CNTN4: variants seen among roughly 807,000 people sequenced by gnomAD.
The protein encoded by CNTN4 is contactin-4.
Under a neutral mutation model 122.5 loss-of-function variants are expected in CNTN4, and 77 were observed. That is an observed-to-expected ratio of 0.63 (90% CI 0.52 to 0.76). The LOEUF (loss-of-function observed/expected upper bound fraction) is 0.76, where lower values mean the gene tolerates loss of function less well. CNTN4 is among the 30% of genes least tolerant of loss of function. CNTN4 has a pLI of 0.00. For synonymous variants in CNTN4, 512 were observed against 447.0 expected (o/e 1.15, Z -1.83); for missense variants, 1,256 against 1,259.1 (o/e 1.00, Z 0.04).
At chr3:2,112,238 G>T (rs1234212776) in intron 2 of CNTN4, among the ~76,000 whole-genome samples, 1 of 152,108 alleles carries the variant, frequency 6.6e-6, no homozygotes. Context: ...TCCTGTAAAA[G>T]AAATGCTGAC....
At chr3:2,764,781 T>C (rs2090766395) in intron 6 of CNTN4, among the ~76,000 whole-genome samples, 1 of 152,176 alleles carries the variant, frequency 6.6e-6, no homozygotes, top group South Asian at 2.1e-4. Flanking sequence ...TTGCTTTGCA[T>C]GTACCAGCCA....
intron 6 of CNTN4, among the ~76,000 whole-genome samples, chr3:2,748,946 G>A (rs1251777112): frequency 2.6e-5 from 4 of 152,044 alleles, no homozygotes; most frequent in Admixed American, 2.6e-4. Flanking sequence ...TGATACTTTT[G>A]TTCCCTCTGC....
At chr3:2,179,770 A>G (rs2036929679) in intron 2 of CNTN4, among the ~76,000 whole-genome samples, 1 of 151,988 alleles carries the variant, frequency 6.6e-6, no homozygotes. Flanking sequence ...GCAACTCTAT[A>G]TACTAGCACT....
At chr3:2,481,419 G>T (rs13066125) in intron 3 of CNTN4, among the ~76,000 whole-genome samples, 17,073 of 152,110 alleles carry the variant, frequency 0.11, 1,239 homozygotes, top group Middle Eastern at 0.19. Context: ...GGGATTACAG[G>T]TGTGAGCCAC....
At chr3:2,991,136 C>T (rs1157984138) in intron 14 of CNTN4, among the ~76,000 whole-genome samples, 2 of 152,096 alleles carry the variant, frequency 1.3e-5, no homozygotes, top group Admixed American at 1.3e-4. Context: ...CTTATAGATG[C>T]AGAATTAGTA....
chr3:2,317,220 T>C (rs1397049565), intron 2 of CNTN4, among the ~76,000 whole-genome samples: 2 of 152,336 alleles, frequency 1.3e-5, no homozygotes, highest in East Asian at 1.9e-4. Context: ...TGATGGATTA[T>C]CATAAAGAAG....
At chr3:2,867,532 G>A (rs571141563) in intron 8 of CNTN4, among the ~76,000 whole-genome samples, 120 of 152,150 alleles carry the variant, frequency 7.9e-4, no homozygotes, top group Non-Finnish European at 1.3e-3. Context: ...TTGTAAAGAC[G>A]GCCGTGTATG....
Position 2,240,803 on chromosome 3 carries a change from G to A in CNTN4, c.-144-98375G>A, listed in dbSNP as rs533978067. On this transcript the variant is annotated intron_variant, in intron 2 of 24. Coordinates refer to ENST00000418658, the MANE Select transcript of CNTN4 (RefSeq NM_175607.3). ...TATATTTTAAACGTTTGTAAATCCA[G>A]TGAGAATAAAATGTTCTTTGCATAT... 1.8e-4 allele frequency among the ~76,000 whole-genome samples: 28 copies of A among 151,928 alleles called. 1 individual carries two copies. The highest frequency in any genetic ancestry group is 3.2e-4 in the Non-Finnish European group (22 of 67,978).
chr3:2,497,956 T>C (rs2076496895), intron 3 of CNTN4, among the ~76,000 whole-genome samples: 1 of 152,144 alleles, frequency 6.6e-6, no homozygotes, highest in Admixed American at 6.6e-5. Context: ...TCTTTTTCTC[T>C]ACCTTTCCAC....
At chr3:2,916,797 C>T (rs1317654871) in intron 12 of CNTN4, among the ~76,000 whole-genome samples, 1 of 150,366 alleles carries the variant, frequency 6.7e-6, no homozygotes, top group Non-Finnish European at 1.5e-5. Context: ...GGGCCCCCCA[C>T]CTCCCAGACG....
At chr3:2,305,621 C>G (rs1390469254) in intron 2 of CNTN4, among the ~76,000 whole-genome samples, 1 of 152,102 alleles carries the variant, frequency 6.6e-6, no homozygotes, top group Non-Finnish European at 1.5e-5. Context: ...TTTTGTGAAT[C>G]TTCTTTTTTT....
chr3:2,886,747 C>A (rs2093983823), intron 9 of CNTN4, among the ~76,000 whole-genome samples: 1 of 152,036 alleles, frequency 6.6e-6, no homozygotes, highest in Non-Finnish European at 1.5e-5. Flanking sequence ...CTCCTGACCT[C>A]AAGTGATCTG....
At chr3:2,914,084 A>C (rs1177967541) in intron 12 of CNTN4, among the ~76,000 whole-genome samples, 1 of 152,208 alleles carries the variant, frequency 6.6e-6, no homozygotes, top group Non-Finnish European at 1.5e-5. Flanking sequence ...GTCACAATGT[A>C]ATTTAGAAAA....
At chr3:2,964,931 A>T (rs890949012) in intron 13 of CNTN4, among the ~76,000 whole-genome samples, 1 of 152,090 alleles carries the variant, frequency 6.6e-6, no homozygotes, top group Non-Finnish European at 1.5e-5. Flanking sequence ...AAATTTAATT[A>T]TGCTTCCATC....
chr3:3,013,246 G>A (rs985305256), intron 14 of CNTN4, among the ~76,000 whole-genome samples: 2 of 152,138 alleles, frequency 1.3e-5, no homozygotes, highest in African/African-American at 2.4e-5. Flanking sequence ...CAGAGACGTC[G>A]AATGACTTGC....
At chr3:2,422,520 T>C (rs1430062876) in intron 3 of CNTN4, among the ~76,000 whole-genome samples, 3 of 152,168 alleles carry the variant, frequency 2.0e-5, no homozygotes, top group Non-Finnish European at 4.4e-5. Flanking sequence ...ATCAGGAAAA[T>C]AAGCAAAGTT....
chr3:2,324,872 A>G (rs2043400243), intron 2 of CNTN4, among the ~76,000 whole-genome samples: 1 of 152,086 alleles, frequency 6.6e-6, no homozygotes, highest in African/African-American at 2.4e-5. Flanking sequence ...CCACCTCAAA[A>G]GCAGAGATGC....
At chr3:2,702,925 T>C (rs1453730549) in intron 4 of CNTN4, among the ~76,000 whole-genome samples, 1 of 152,202 alleles carries the variant, frequency 6.6e-6, no homozygotes, top group African/African-American at 2.4e-5. Flanking sequence ...CAAAGTAGAT[T>C]CCAAGGGTAA....
At chr3:3,004,868 C>G (rs1696456906) in intron 14 of CNTN4, among the ~76,000 whole-genome samples, 1 of 152,208 alleles carries the variant, frequency 6.6e-6, no homozygotes, top group South Asian at 2.1e-4. Flanking sequence ...TGGTCCTGTA[C>G]CTGTAGCTCT....
Sources: gnomAD v4.1 joint callset for allele counts (sites outside exome capture counted in the v4.1 genomes callset) on GRCh38, gnomAD v4.1.1 for gene constraint, MANE v1.5 for transcripts, NCBI Gene and HGNC (gene_info 2026-07-23, HGNC 2026-07-21) for gene names.